Variants in MAN1A1 observed in about 807,000 individuals in gnomAD.
MAN1A1 encodes the protein mannosyl-oligosaccharide 1,2-alpha-mannosidase IA.
Under a neutral mutation model 70.8 loss-of-function variants are expected in MAN1A1, and 29 were observed. That is an observed-to-expected ratio of 0.41 (90% CI 0.31 to 0.56). MAN1A1 has a LOEUF of 0.56. Ranked by LOEUF, MAN1A1 falls within the 20% of genes least tolerant of loss-of-function variation. The pLI, the probability that MAN1A1 is intolerant of heterozygous loss-of-function variation, is 0.29. For synonymous variants in MAN1A1, 349 were observed against 330.1 expected (o/e 1.06, Z -0.62); for missense variants, 747 against 841.3 (o/e 0.89, Z 1.39).
rs563703255 is a variant in MAN1A1, at chr6:119,330,331, A to G, written c.603+18132T>C. On this transcript the variant is annotated intron_variant, in intron 2 of 12. Transcript: ENST00000368468. The stretch of plus-strand genomic sequence containing the variant: ...CTCCTCTCTCTCTCCTGACGATTCC[A>G]ACCATCAGAAAACCCGTGACCCAAT... 7.9e-5 allele frequency among the ~76,000 whole-genome samples: 12 copies of G among 152,124 alleles called. No individual in the cohort carries two copies. The East Asian group carries it at 2.1e-3, about 27-fold the overall frequency.
intron 5 of MAN1A1, among the ~76,000 whole-genome samples, chr6:119,272,979 A>G (rs1345817588): frequency 6.6e-6 from 1 of 152,198 alleles, no homozygotes; most frequent in African/African-American, 2.4e-5. Context: ...TAAATTGACT[A>G]TAAAGAAGGA....
At chr6:119,194,446 C>T (rs930770828) in intron 8 of MAN1A1, among the ~76,000 whole-genome samples, 2 of 152,134 alleles carry the variant, frequency 1.3e-5, no homozygotes, top group Non-Finnish European at 2.9e-5. Context: ...GCTTCAGCCT[C>T]CCAAGTGGCT....
intron 9 of MAN1A1, among the ~76,000 whole-genome samples, chr6:119,190,383 C>T (rs1226958670): frequency 1.3e-5 from 2 of 152,112 alleles, no homozygotes; most frequent in Admixed American, 6.5e-5. Context: ...GTTCTGGGGC[C>T]AGAAGACTTG....
chr6:119,322,384 C>T (rs1190923985), intron 2 of MAN1A1, among the ~76,000 whole-genome samples: 1 of 152,124 alleles, frequency 6.6e-6, no homozygotes, highest in African/African-American at 2.4e-5. Flanking sequence ...ATATGCCTTG[C>T]CAGTATTCTT....
chr6:119,209,294 T>C (rs1773979405), intron 6 of MAN1A1, among the ~76,000 whole-genome samples: 1 of 152,216 alleles, frequency 6.6e-6, no homozygotes, highest in Non-Finnish European at 1.5e-5. Context: ...TTTCGATTTA[T>C]TCTTCCTCAC....
At chr6:119,217,395 C>T (rs182448308) in intron 6 of MAN1A1, among the ~76,000 whole-genome samples, 225 of 152,266 alleles carry the variant, frequency 1.5e-3, no homozygotes, top group Non-Finnish European at 2.9e-3. Context: ...AATTCCCCTG[C>T]CTCAGCCTCC....
intron 8 of MAN1A1, among the ~76,000 whole-genome samples, chr6:119,197,137 C>T (rs62418807): frequency 0.013 from 1,905 of 152,146 alleles, 15 homozygotes; most frequent in Admixed American, 0.031. Flanking sequence ...GGTGAAAACT[C>T]ATCTCTACTA....
chr6:119,317,843 G>C (rs1772896675), intron 2 of MAN1A1, among the ~76,000 whole-genome samples: 1 of 151,350 alleles, frequency 6.6e-6, no homozygotes, highest in Admixed American at 6.6e-5. Context: ...AAATAGATTG[G>C]CCATAAAATG....
At chr6:119,257,037 T>C (rs2114343618) in intron 5 of MAN1A1, among the ~76,000 whole-genome samples, 1 of 152,314 alleles carries the variant, frequency 6.6e-6, no homozygotes, top group East Asian at 1.9e-4. Flanking sequence ...TGGGAATTTT[T>C]TTTAAAAAGT....
At chr6:119,200,094 G>A (rs1262747372) in intron 8 of MAN1A1, among the ~76,000 whole-genome samples, 1 of 151,998 alleles carries the variant, frequency 6.6e-6, no homozygotes, top group Admixed American at 6.6e-5. Context: ...TAAAAGCAGA[G>A]GCAGAAAGAG....
intron 2 of MAN1A1, among the ~76,000 whole-genome samples, chr6:119,337,180 A>C (rs1433370660): frequency 6.6e-6 from 1 of 152,222 alleles, no homozygotes; most frequent in African/African-American, 2.4e-5. Context: ...CTGGAAAACA[A>C]CTTGAAAACT....
chr6:119,222,293 A>G (rs994447048), intron 6 of MAN1A1, among the ~76,000 whole-genome samples: 5 of 147,268 alleles, frequency 3.4e-5, no homozygotes, highest in Non-Finnish European at 7.5e-5. Flanking sequence ...GGTTGTTGTT[A>G]TTATAGTATC....
At chr6:119,321,609 G>A (rs1347007892) in intron 2 of MAN1A1, among the ~76,000 whole-genome samples, 2 of 142,592 alleles carry the variant, frequency 1.4e-5, no homozygotes, top group Non-Finnish European at 3.0e-5. Context: ...TTGACTACAT[G>A]GCCTGCAATT....
intron 7 of MAN1A1, among the ~76,000 whole-genome samples, chr6:119,202,936 G>A (rs575377152): frequency 1.3e-5 from 2 of 152,178 alleles, no homozygotes; most frequent in Admixed American, 1.3e-4. Flanking sequence ...AGGTTATGAC[G>A]GTAGAGCCTT....
chr6:119,182,623 T>C (rs988372014), intron 11 of MAN1A1, among the ~76,000 whole-genome samples: 3 of 151,894 alleles, frequency 2.0e-5, no homozygotes, highest in African/African-American at 7.3e-5. Context: ...CATCACATCC[T>C]ACTAATCCTA....
intron 2 of MAN1A1, among the ~76,000 whole-genome samples, chr6:119,318,615 C>T (rs1240623050): frequency 1.3e-5 from 2 of 152,122 alleles, no homozygotes; most frequent in African/African-American, 4.8e-5. Context: ...CATGCAAAAC[C>T]AACTTCCAAT....
rs201589000 is a variant in MAN1A1 at position 119,181,463 on chromosome 6, T to TTTC, written c.1720-1039_1720-1037dup. Reference sequence around the variant, plus strand: ...TCCTAAAATACATGTTTTTTTTTTTTTTCAGTCTAGTATGGAAGAAGATGG... The same window carrying TTTC: ...TCCTAAAATACATGTTTTTTTTTTTTTTCTTCAGTCTAGTATGGAAGAAGATGG... On this transcript the variant is annotated intron_variant, in intron 11 of 12. Transcript: ENST00000368468. Among the ~76,000 whole-genome samples the TTTC allele has an allele frequency of 2.7e-3, 417 of 151,846 alleles. 4 individuals carry two copies. The highest frequency in any genetic ancestry group is 9.2e-3 in the African/African-American group (383 of 41,418).
At chr6:119,206,429 G>A (rs190446036) in intron 6 of MAN1A1, among the ~76,000 whole-genome samples, 11 of 152,256 alleles carry the variant, frequency 7.2e-5, no homozygotes, top group African/African-American at 2.4e-4. Flanking sequence ...GATTACTGGC[G>A]CTTGCAGTCC....
chr6:119,283,109 C>T (rs1210898827), intron 5 of MAN1A1, among the ~76,000 whole-genome samples: 2 of 152,148 alleles, frequency 1.3e-5, no homozygotes, highest in Non-Finnish European at 2.9e-5. Flanking sequence ...GTTTTGCTAG[C>T]TGGGGTGGGG....
Sources: gnomAD v4.1 joint callset for allele counts (sites outside exome capture counted in the v4.1 genomes callset) on GRCh38, gnomAD v4.1.1 for gene constraint, MANE v1.5 for transcripts, NCBI Gene and HGNC (gene_info 2026-07-23, HGNC 2026-07-21) for gene names.